The following SS18L1 variants were observed in gnomAD, a reference collection of about 807,000 sequenced individuals.
SS18L1 encodes SS18L1 subunit of BAF chromatin remodeling complex, also known as calcium-responsive transactivator.
Under a neutral mutation model 70.3 loss-of-function variants are expected in SS18L1, and 32 were observed. That is an observed-to-expected ratio of 0.46 (90% CI 0.34 to 0.61). SS18L1 has a LOEUF of 0.61. Among genes scored for constraint, SS18L1 ranks in the 20% least tolerant of loss-of-function variants. The probability of loss-of-function intolerance (pLI) is 0.01; values close to 1 mark genes in which losing one functional copy is unlikely to be tolerated. For missense variants in SS18L1, 430 were observed against 542.1 expected (o/e 0.79, Z 2.05); for synonymous variants, 237 against 229.7 (o/e 1.03, Z -0.29).
chr20:62,160,324 GA>G (rs2057303117), intron 3 of SS18L1, among the ~76,000 whole-genome samples: 1 of 83,384 alleles, frequency 1.2e-5, no homozygotes, highest in Non-Finnish European at 2.3e-5. Flanking sequence ...GGGAGAGGTG[GA>G]GAGAGGTGGG....
intron 1 of SS18L1, among the ~76,000 whole-genome samples, chr20:62,149,903 A>C (rs1346415738): frequency 1.3e-5 from 2 of 152,222 alleles, no homozygotes; most frequent in Non-Finnish European, 2.9e-5. Context: ...TGTTGCTAGT[A>C]CAATAAGCAC....
rs1311371424 is a variant in SS18L1 at position 62,161,619 on chromosome 20, G to T, written c.376+39G>T. On this transcript the variant is annotated intron_variant, in intron 4 of 10. Transcript: ENST00000331758. This position sits in a 1 kb window ranked among gnomAD's most constrained non-coding sequence, Gnocchi z 4.4. ...GGGAGGAGGACGTTCCTGGCTACGA[G>T]GCCACCAAGGCAGCCCTTGGGCAGC... The T allele has an allele frequency of 1.3e-6, 2 of 1,584,454 alleles. No homozygotes were observed. The highest frequency in any genetic ancestry group is 1.7e-6 in the Non-Finnish European group (2 of 1,159,466).
chr20:62,179,351 T>C lies in SS18L1; in HGVS notation c.*143T>C. 1 of 897,610 alleles carries C rather than the reference T, an allele frequency of 1.1e-6. No individual in the cohort carries two copies. Among genetic ancestry groups the C allele is most frequent in the East Asian group, 2.5e-5 (1 of 39,984 alleles). 55.6% of individuals were successfully genotyped at this position (897,610 alleles called of 1,614,324 possible). On this transcript the variant is annotated 3_prime_UTR_variant, in exon 11 of 11. Coordinates refer to ENST00000331758, the MANE Select transcript of SS18L1 (RefSeq NM_198935.3). ...CTGCATGTGAAGCGTGCTCATTTCA[T>C]GCTGGGTATGACGCCGAGCGCACAC...
chr20:62,155,625 C>G (rs1261252756), intron 1 of SS18L1, among the ~76,000 whole-genome samples: 2 of 152,094 alleles, frequency 1.3e-5, no homozygotes, highest in Non-Finnish European at 2.9e-5. Context: ...CCTTCAGTGC[C>G]CAAGCATCTT....
rs1207393468 is a variant in SS18L1, at chr20:62,179,577, TC to T, written c.*372del. 1.2e-5 allele frequency: 4 copies of T among 328,930 alleles called. No individual in the cohort carries two copies. Among genetic ancestry groups the T allele is most frequent in the Non-Finnish European group, 1.7e-5 (3 of 175,590 alleles). 20.4% of individuals were successfully genotyped at this position (328,930 alleles called of 1,614,324 possible). A position where few individuals can be genotyped will look rare whatever the true frequency, so the allele number is the denominator to read the frequency against. On this transcript the variant is annotated 3_prime_UTR_variant, in exon 11 of 11. Transcript: ENST00000331758. Reference sequence around the variant, plus strand: ...CTCGAGGACACCACAGTCCACCTGTTCCCGTCAACAGACGTTAGGTCTCATT... The same window carrying T: ...CTCGAGGACACCACAGTCCACCTGTTCCGTCAACAGACGTTAGGTCTCATT...
At chr20:62,165,554 CCA>C in intron 8 of SS18L1, 40 bp downstream of exon 8, 1 of 1,571,352 alleles carries the variant, frequency 6.4e-7, no homozygotes, top group Non-Finnish European at 8.7e-7. Context: ...AGCGTAAGCG[CCA>C]CACGCAGCAG....
intron 4 of SS18L1, 136 bp from the exon 5 acceptor site, chr20:62,162,616 G>A: frequency 1.1e-6 from 1 of 884,484 alleles, no homozygotes; most frequent in Non-Finnish European, 1.7e-6. Flanking sequence ...TTATTTATTA[G>A]TCACTTAATC....
chr20:62,170,783 T>C (rs1439225499), intron 8 of SS18L1, among the ~76,000 whole-genome samples: 1 of 152,236 alleles, frequency 6.6e-6, no homozygotes, highest in Non-Finnish European at 1.5e-5. Flanking sequence ...GAGCCAGGCC[T>C]GGTCCCTGTG....
At position 62,158,533 on chromosome 20, in the gene SS18L1, T is replaced by G; in HGVS notation, c.70-139T>G. The G allele has an allele frequency of 7.2e-7, 1 of 1,395,152 alleles. No homozygotes were observed. Among genetic ancestry groups the G allele is most frequent in the East Asian group, 2.5e-5 (1 of 39,844 alleles). 86.4% of individuals were successfully genotyped at this position (1,395,152 alleles called of 1,614,324 possible). On this transcript the variant is annotated intron_variant, in intron 1 of 10. Coordinates refer to ENST00000331758, the MANE Select transcript of SS18L1 (RefSeq NM_198935.3). This position sits in a 1 kb window ranked among gnomAD's most constrained non-coding sequence, Gnocchi z 4.5. ...GGTCTAATACAGATATCCCCAAATC[T>G]GGAAAAATCTGAAATCTGACACGTT... is the stretch of plus-strand genomic sequence containing the variant.
rs775259052 is a variant in SS18L1, at chr20:62,159,404, C to T, written c.147-473C>T. Among the ~76,000 whole-genome samples, 36 of 152,242 alleles carry T rather than the reference C, an allele frequency of 2.4e-4. No homozygotes were observed. Among genetic ancestry groups the T allele is most frequent in the Non-Finnish European group, 1.3e-4 (9 of 67,998 alleles). On this transcript the variant is annotated intron_variant, in intron 2 of 10. Transcript: ENST00000331758. The surrounding 1 kb of genome is among the most constrained non-coding windows in gnomAD (Gnocchi z 4.4). ...TGAAGGGACTGGGTCCCCACTGGTGCGAGGTATACGAGGGGCCTTCCCTGG... is the reference window on the plus strand; with the variant it reads ...TGAAGGGACTGGGTCCCCACTGGTGTGAGGTATACGAGGGGCCTTCCCTGG...
intron 3 of SS18L1, among the ~76,000 whole-genome samples, chr20:62,160,462 A>G (rs1435445878): frequency 1.3e-5 from 2 of 151,704 alleles, no homozygotes; most frequent in Admixed American, 1.3e-4. Context: ...GCTTTGAGCC[A>G]CTGTGAACCG....
intron 8 of SS18L1, among the ~76,000 whole-genome samples, chr20:62,172,186 G>C (rs899431985): frequency 1.3e-5 from 2 of 151,654 alleles, no homozygotes; most frequent in African/African-American, 4.8e-5. Context: ...AAATTATCTG[G>C]GCACGCTGGC....
chr20:62,173,236 GCAGC>G, intron 9 of SS18L1, among the ~76,000 whole-genome samples: 1 of 152,298 alleles, frequency 6.6e-6, no homozygotes, highest in South Asian at 2.1e-4. Flanking sequence ...AGCCTTCACT[GCAGC>G]TTACAATCAC....
At chr20:62,160,975 G>A (rs1419229955) in intron 3 of SS18L1, among the ~76,000 whole-genome samples, 3 of 151,882 alleles carry the variant, frequency 2.0e-5, no homozygotes, top group African/African-American at 7.3e-5. Context: ...TGGGGTGGGG[G>A]TAGTCGGGGA....
intron 8 of SS18L1, among the ~76,000 whole-genome samples, chr20:62,168,088 T>C (rs1011410886): frequency 6.6e-6 from 1 of 151,140 alleles, no homozygotes; most frequent in Non-Finnish European, 1.5e-5. Flanking sequence ...CCTCCTACAG[T>C]GCAGGGGCTC....
chr20:62,182,255 G>A lies in SS18L1; in HGVS notation c.*3047G>A, dbSNP rs1247879216. The A allele has an allele frequency of 4.6e-6, 1 of 218,404 alleles. No individual in the cohort carries two copies. Among genetic ancestry groups the A allele is most frequent in the South Asian group, 1.8e-4 (1 of 5,410 alleles). 13.5% of individuals were successfully genotyped at this position (218,404 alleles called of 1,614,324 possible). On this transcript the variant is annotated 3_prime_UTR_variant, in exon 11 of 11. Transcript: ENST00000331758. ...TTTTCTACGTGTAGGCGTGAATAGGGGGCACCCCTTCAAAACTGTACAAAG... is the reference window on the plus strand; with the variant it reads ...TTTTCTACGTGTAGGCGTGAATAGGAGGCACCCCTTCAAAACTGTACAAAG...
Position 62,179,641 on chromosome 20 carries a change from TTTTC to T in SS18L1, c.*437_*440del, listed in dbSNP as rs1466082359. The T allele has an allele frequency of 1.7e-5, 4 of 234,518 alleles. No homozygotes were observed. Among genetic ancestry groups the T allele is most frequent in the African/African-American group, 8.9e-5 (4 of 45,196 alleles). 14.5% of individuals were successfully genotyped at this position (234,518 alleles called of 1,614,324 possible). On this transcript the variant is annotated 3_prime_UTR_variant, in exon 11 of 11. Coordinates refer to ENST00000331758, the MANE Select transcript of SS18L1 (RefSeq NM_198935.3). ...CAGTGTTGTAGTGTGGGTTGTCAACTTTTCTTTAACTGGCTACGCCACAGCTGGA... is the reference window on the plus strand; with the variant it reads ...CAGTGTTGTAGTGTGGGTTGTCAACTTTTAACTGGCTACGCCACAGCTGGA...
intron 1 of SS18L1, among the ~76,000 whole-genome samples, chr20:62,147,472 T>C (rs2057052486): frequency 6.6e-6 from 1 of 152,188 alleles, no homozygotes; most frequent in Non-Finnish European, 1.5e-5. Context: ...CCTCGGACCA[T>C]GTGGCCAGGC....
At chr20:62,154,535 C>T (rs975206176) in intron 1 of SS18L1, 1 of 1,016,062 alleles carries the variant, frequency 9.8e-7, no homozygotes, top group Non-Finnish European at 1.2e-6. Context: ...TCCGTTGGGA[C>T]TGGGTCATCA....
Sources: allele counts gnomAD v4.1 joint callset (sites outside exome capture counted in the v4.1 genomes callset), GRCh38; gene constraint gnomAD v4.1.1; non-coding constraint Gnocchi (gnomAD v3.1); transcripts MANE v1.5; gene names NCBI Gene and HGNC (gene_info 2026-07-23, HGNC 2026-07-21).